The following NT5M variants were observed in gnomAD, a reference collection of about 807,000 sequenced individuals.
NT5M encodes 5'(3')-deoxyribonucleotidase, mitochondrial.
Under a neutral mutation model 22.2 loss-of-function variants are expected in NT5M, and 22 were observed. That is an observed-to-expected ratio of 0.99 (90% confidence interval 0.71 to 1.41). NT5M has a LOEUF of 1.41. NT5M is among the 40% of genes most tolerant of loss of function. The pLI, the probability that NT5M is intolerant of heterozygous loss-of-function variation, is 0.00. For synonymous variants in NT5M, 167 were observed against 133.0 expected (o/e 1.26, Z -1.76); for missense variants, 322 against 314.8 (o/e 1.02, Z -0.17).
At chr17:17,336,554 CTTTT>C (rs71355546) in intron 3 of NT5M, among the ~76,000 whole-genome samples, 6 of 136,842 alleles carry the variant, frequency 4.4e-5, no homozygotes, top group Non-Finnish European at 6.3e-5. Context: ...TTTTTCTTTT[CTTTT>C]TTTTTTTTTT....
chr17:17,334,734 A>G (rs1296919132), intron 3 of NT5M, among the ~76,000 whole-genome samples: 2 of 152,106 alleles, frequency 1.3e-5, no homozygotes, highest in Non-Finnish European at 2.9e-5. Context: ...TTGGCCTCCC[A>G]AAGTGCTGGG....
intron 3 of NT5M, among the ~76,000 whole-genome samples, chr17:17,335,171 A>C (rs989286145): frequency 2.6e-5 from 4 of 152,100 alleles, no homozygotes; most frequent in African/African-American, 9.7e-5. Flanking sequence ...ACACATGATA[A>C]AATTTATCAA....
At chr17:17,344,166 C>G (rs1240807963) in intron 3 of NT5M, among the ~76,000 whole-genome samples, 2 of 152,148 alleles carry the variant, frequency 1.3e-5, no homozygotes, top group Non-Finnish European at 2.9e-5. Context: ...CAGACACACC[C>G]TGCCCCATGT....
intron 2 of NT5M, 24 bp downstream of exon 2, chr17:17,306,667 C>G: frequency 1.3e-6 from 2 of 1,546,458 alleles, no homozygotes; most frequent in Non-Finnish European, 1.8e-6. Flanking sequence ...CCCAGCCACT[C>G]AGTAAGTTTG....
chr17:17,331,802 A>T (rs192725675), intron 3 of NT5M, among the ~76,000 whole-genome samples: 4 of 149,038 alleles, frequency 2.7e-5, no homozygotes, highest in Non-Finnish European at 4.4e-5. Flanking sequence ...TTTTTTTGAG[A>T]TGGAGTCTCG....
intron 2 of NT5M, among the ~76,000 whole-genome samples, chr17:17,318,929 G>A (rs1303932140): frequency 6.6e-6 from 1 of 151,794 alleles, no homozygotes; most frequent in African/African-American, 2.4e-5. Flanking sequence ...AAATATTATG[G>A]GGCGGGCGTG....
chr17:17,342,735 G>A (rs551684445), intron 3 of NT5M, among the ~76,000 whole-genome samples: 1 of 152,152 alleles, frequency 6.6e-6, no homozygotes, highest in Non-Finnish European at 1.5e-5. Flanking sequence ...CTTGTCAGTC[G>A]GGTCCAGAGA....
chr17:17,343,233 C>CATATG (rs1205961251), intron 3 of NT5M, among the ~76,000 whole-genome samples: 2 of 152,102 alleles, frequency 1.3e-5, no homozygotes, highest in African/African-American at 2.4e-5. Context: ...AGGAGAAGGG[C>CATATG]CCTGTGCATA....
At chr17:17,335,594 G>T (rs1016198964) in intron 3 of NT5M, among the ~76,000 whole-genome samples, 2 of 151,716 alleles carry the variant, frequency 1.3e-5, no homozygotes. Flanking sequence ...AATCCTTTGT[G>T]TTATAGACAA....
chr17:17,303,645 G>T lies in NT5M; in HGVS notation c.95G>T (p.Gly32Val). The T allele has an allele frequency of 6.8e-7, 1 of 1,464,900 alleles. No homozygotes were observed. Among genetic ancestry groups the T allele is most frequent in the Non-Finnish European group, 9.1e-7 (1 of 1,100,330 alleles). 90.7% of individuals were successfully genotyped at this position (1,464,900 alleles called of 1,614,324 possible). ...GCGGCGGGCGGGCTGGGCCTGGCGG[G>T]AGGCCGCGCCCTACGGGTGCTGGTG... ...RGAAGGLGLA[G>V]GRALRVLVDM... Residue 32 changes from glycine (G) to valine (V), a missense_variant, in exon 1 of 5, where the codon GGA becomes GTA. Physicochemically the swap from Gly to Val is moderately radical, Grantham distance 109. Coordinates refer to ENST00000389022, the MANE Select transcript of NT5M (RefSeq NM_020201.4).
At position 17,344,852 on chromosome 17, in the gene NT5M, G is replaced by C. The variant is rs1162388394; in HGVS notation, c.488G>C (p.Arg163Thr). 6.2e-7 allele frequency: 1 copy of C among 1,614,126 alleles called. No homozygotes were observed. The highest frequency in any genetic ancestry group is 8.5e-7 in the Non-Finnish European group (1 of 1,180,032). Residue 163 changes from arginine to threonine, a missense_variant, in exon 4 of 5, where the codon AGA (arginine) becomes ACA (threonine). Coordinates refer to ENST00000389022, the MANE Select transcript of NT5M (RefSeq NM_020201.4). ...PDFLEQIVLT[R>T]DKTVVSADLL... ...TTTCTGGAGCAGATTGTGCTGACCAGAGACAAGACCGTGGTCTCTGCTGAC... is the reference window on the plus strand; with the variant it reads ...TTTCTGGAGCAGATTGTGCTGACCACAGACAAGACCGTGGTCTCTGCTGAC...
intron 2 of NT5M, among the ~76,000 whole-genome samples, chr17:17,307,176 C>G (rs1230140247): frequency 6.6e-6 from 1 of 152,090 alleles, no homozygotes; most frequent in Non-Finnish European, 1.5e-5. Context: ...CCAGCCTGGG[C>G]AAGAAGAGCG....
Position 17,347,071 on chromosome 17 carries a change from T to C in NT5M, c.*124T>C, listed in dbSNP as rs2049777047. 4 of 1,216,944 alleles carry C rather than the reference T, an allele frequency of 3.3e-6. No homozygotes were observed. In the East Asian group the frequency reaches 1.0e-4, roughly 31 times the overall value. 75.4% of individuals were successfully genotyped at this position (1,216,944 alleles called of 1,614,324 possible). On this transcript the variant is annotated 3_prime_UTR_variant, in exon 5 of 5. Coordinates refer to ENST00000389022, the MANE Select transcript of NT5M (RefSeq NM_020201.4). ...ACTCCTGGGCCCCATGACCTCCTGC[T>C]GCATGTCCCTTCCCTTCCCCAGCCC...
chr17:17,347,217 A>C lies in NT5M; in HGVS notation c.*270A>C, dbSNP rs892490871. ...GCAGGCACCAAGCTGCCAGAAGCCC[A>C]GGGGCTCAGGACAGGGAGGAGTTGA... On this transcript the variant is annotated 3_prime_UTR_variant, in exon 5 of 5. Coordinates refer to ENST00000389022, the MANE Select transcript of NT5M (RefSeq NM_020201.4). 16 of 493,074 alleles carry C rather than the reference A, an allele frequency of 3.2e-5. No homozygotes were observed. Among genetic ancestry groups the C allele is most frequent in the Non-Finnish European group, 5.4e-5 (15 of 276,626 alleles). The allele number at this position is 493,074 out of a possible 1,614,324, so 30.5% of individuals were successfully genotyped here.
chr17:17,343,348 C>T (rs765965060), intron 3 of NT5M, among the ~76,000 whole-genome samples: 1 of 152,154 alleles, frequency 6.6e-6, no homozygotes, highest in Non-Finnish European at 1.5e-5. Flanking sequence ...AAGCATAATA[C>T]AGTCAAGCAG....
rs1369671989 is a variant in NT5M at position 17,303,559 on chromosome 17, G to A, written c.9G>A (p.Arg3=). MI[R]LGGWCARRLC... is the part of the protein sequence containing the mutation. Reference sequence around the variant, plus strand: ...GGCCAGCGCGCTGGGCCATGATCCGGCTGGGCGGCTGGTGTGCGCGGCGGC... The same window carrying A: ...GGCCAGCGCGCTGGGCCATGATCCGACTGGGCGGCTGGTGTGCGCGGCGGC... The change falls in exon 1 of 5, where the codon CGG becomes CGA. Residue 3 remains arginine (R), a synonymous_variant. Transcript: ENST00000389022. 3.7e-6 allele frequency: 4 copies of A among 1,091,242 alleles called. No individual in the cohort carries two copies. Among genetic ancestry groups the A allele is most frequent in the Non-Finnish European group, 3.3e-6 (3 of 897,648 alleles). 67.6% of individuals were successfully genotyped at this position (1,091,242 alleles called of 1,614,324 possible).
At chr17:17,342,609 C>T (rs2049668523) in intron 3 of NT5M, among the ~76,000 whole-genome samples, 1 of 152,250 alleles carries the variant, frequency 6.6e-6, no homozygotes, top group African/African-American at 2.4e-5. Flanking sequence ...GTTCCAGCCA[C>T]ACTCCAGGGT....
In NT5M at chr17:17,346,719, G is replaced by A. The variant is rs2049766770; in HGVS notation, c.545-86G>A. 2.3e-5 allele frequency: 35 copies of A among 1,547,570 alleles called. No homozygotes were observed. In the South Asian group the frequency reaches 3.6e-4, roughly 16 times the overall value. On this transcript the variant is annotated intron_variant, in intron 4 of 4. Transcript: ENST00000389022. ...GAAACAAGTTTTGGCAAGGCCAGAT[G>A]CCTGCCTGGATACCCAGGTTTCCAC...
chr17:17,338,679 T>TG (rs1388543836), intron 3 of NT5M, among the ~76,000 whole-genome samples: 1 of 43,240 alleles, frequency 2.3e-5, no homozygotes, highest in Non-Finnish European at 4.2e-5. Flanking sequence ...TGTTAAGGGT[T>TG]TTTTTTTTTT....
Sources: allele counts gnomAD v4.1 joint callset (sites outside exome capture counted in the v4.1 genomes callset), GRCh38; gene constraint gnomAD v4.1.1; transcripts MANE v1.5; gene names NCBI Gene and HGNC (gene_info 2026-07-23, HGNC 2026-07-21).